ST7: variants seen among roughly 807,000 people sequenced by gnomAD.
The protein encoded by ST7 is suppressor of tumorigenicity 7 protein.
Under a neutral mutation model 78.7 loss-of-function variants are expected in ST7, and 28 were observed. That is an observed-to-expected ratio of 0.36 (90% CI 0.26 to 0.49). The LOEUF (loss-of-function observed/expected upper bound fraction) is 0.49, where lower values mean the gene tolerates loss of function less well. Ranked by LOEUF, ST7 falls within the 20% of genes least tolerant of loss-of-function variation. The probability of loss-of-function intolerance (pLI) is 0.99; values close to 1 mark genes in which losing one functional copy is unlikely to be tolerated. For synonymous variants in ST7, 247 were observed against 249.6 expected (o/e 0.99, Z 0.10); for missense variants, 418 against 696.0 (o/e 0.60, Z 4.49).
At chr7:116,997,864 C>G (rs982841786) in intron 1 of ST7, among the ~76,000 whole-genome samples, 5 of 152,216 alleles carry the variant, frequency 3.3e-5, no homozygotes, top group African/African-American at 1.2e-4. Context: ...ATTGGTGTAT[C>G]TACAATCCCT....
intron 1 of ST7, chr7:116,972,718 C>T (rs1348793576): frequency 1.1e-6 from 1 of 924,256 alleles, no homozygotes; most frequent in Admixed American, 1.7e-5. Flanking sequence ...CTCCTGAGCA[C>T]AGTCCAGCTT....
intron 1 of ST7, among the ~76,000 whole-genome samples, chr7:116,961,293 A>C (rs763671394): frequency 6.6e-6 from 1 of 152,048 alleles, no homozygotes; most frequent in Non-Finnish European, 1.5e-5. Flanking sequence ...TGCTTTGGCT[A>C]TTTGGGCTAT....
chr7:117,041,128 C>T (rs1797197140), intron 1 of ST7, among the ~76,000 whole-genome samples: 1 of 152,124 alleles, frequency 6.6e-6, no homozygotes, highest in African/African-American at 2.4e-5. Context: ...AACAAGAAAG[C>T]CTGAGTGATG....
intron 1 of ST7, among the ~76,000 whole-genome samples, chr7:116,995,959 C>G (rs1341554495): frequency 1.3e-5 from 2 of 152,156 alleles, no homozygotes; most frequent in Admixed American, 1.3e-4. Context: ...TGCTACATGG[C>G]CATCTTGGAT....
intron 13 of ST7, among the ~76,000 whole-genome samples, chr7:117,216,859 C>A (rs1792727997): frequency 1.0e-5 from 1 of 99,598 alleles, no homozygotes; most frequent in African/African-American, 3.8e-5. Flanking sequence ...GGGTGGAGGG[C>A]AATCCGGGAA....
intron 10 of ST7, among the ~76,000 whole-genome samples, chr7:117,174,448 C>T (rs1349187385): frequency 6.6e-6 from 1 of 152,146 alleles, no homozygotes; most frequent in Non-Finnish European, 1.5e-5. Flanking sequence ...TAATTGCTCA[C>T]AGGAAGAGCC....
chr7:116,953,650 T>C lies in ST7; in HGVS notation c.110T>C (p.Ile37Thr). 6.7e-7 allele frequency: 1 copy of C among 1,501,670 alleles called. No homozygotes were observed. Among genetic ancestry groups the C allele is most frequent in the Non-Finnish European group, 9.0e-7 (1 of 1,112,376 alleles). The allele number at this position is 1,501,670 out of a possible 1,614,324, so 93.0% of individuals were successfully genotyped here. A position where few individuals can be genotyped will look rare whatever the true frequency, so the allele number is the denominator to read the frequency against. The change falls in exon 1 of 16, where the codon ATC becomes ACC. Residue 37 changes from isoleucine (I) to threonine (T), a missense_variant. Coordinates refer to ENST00000323984, the MANE Select transcript of ST7 (RefSeq NM_001369598.1). ...TTCATCGTGCTATTCCTGGTCTACA[T>C]CCTGCGGGTGCCTTTGAAAATCAAC... ...WFFIVLFLVYILRVPLKINDN... is the reference protein window; with the variant it reads ...WFFIVLFLVYTLRVPLKINDN...
chr7:117,020,536 C>A, intron 1 of ST7: 3 of 1,536,384 alleles, frequency 2.0e-6, no homozygotes, highest in Non-Finnish European at 2.6e-6. Context: ...TGTACACTCT[C>A]CTCGCTTTTC....
intron 1 of ST7, chr7:117,022,983 C>T (rs1343677431): frequency 6.6e-6 from 1 of 152,180 alleles, no homozygotes; most frequent in Admixed American, 6.5e-5. Context: ...AATATTATTT[C>T]CCCTCTTCAT....
At chr7:117,064,067 C>A (rs932437906) in intron 1 of ST7, among the ~76,000 whole-genome samples, 8 of 151,936 alleles carry the variant, frequency 5.3e-5, no homozygotes, top group Non-Finnish European at 1.0e-4. Flanking sequence ...TATTTAAAGG[C>A]ATTTTCTATT....
At chr7:117,022,227 G>T (rs997303997) in intron 1 of ST7, among the ~76,000 whole-genome samples, 1 of 152,174 alleles carries the variant, frequency 6.6e-6, no homozygotes, top group Non-Finnish European at 1.5e-5. Context: ...TTACTGAAGA[G>T]AATAGAATAT....
intron 12 of ST7, among the ~76,000 whole-genome samples, chr7:117,200,200 T>C (rs1036220638): frequency 6.6e-6 from 1 of 152,170 alleles, no homozygotes; most frequent in Non-Finnish European, 1.5e-5. Context: ...CAGTCTTACA[T>C]GAAACCTTAA....
chr7:117,106,736 T>G (rs1353569292), intron 2 of ST7, among the ~76,000 whole-genome samples: 1 of 151,080 alleles, frequency 6.6e-6, no homozygotes, highest in Non-Finnish European at 1.5e-5. Flanking sequence ...TTCTCCTGCC[T>G]TAGCCTCCTG....
chr7:117,162,193 G>A (rs1296409984), intron 9 of ST7, among the ~76,000 whole-genome samples: 1 of 152,004 alleles, frequency 6.6e-6, no homozygotes, highest in Non-Finnish European at 1.5e-5. Flanking sequence ...AAAAATTACT[G>A]ATTATCTTTT....
At chr7:117,075,319 G>A (rs1396866653) in intron 1 of ST7, among the ~76,000 whole-genome samples, 3 of 152,058 alleles carry the variant, frequency 2.0e-5, no homozygotes, top group Non-Finnish European at 4.4e-5. Context: ...AATTAACATA[G>A]TGACAATTTT....
At chr7:116,979,729 G>A (rs572694780) in intron 1 of ST7, among the ~76,000 whole-genome samples, 1 of 152,038 alleles carries the variant, frequency 6.6e-6, no homozygotes, top group East Asian at 1.9e-4. Flanking sequence ...CCTATATGCT[G>A]GGATATTGCT....
At chr7:117,087,511 A>G (rs918515723) in intron 1 of ST7, among the ~76,000 whole-genome samples, 5 of 152,206 alleles carry the variant, frequency 3.3e-5, no homozygotes, top group African/African-American at 1.2e-4. Flanking sequence ...GTAAGAATGA[A>G]CCAGTATTAT....
intron 2 of ST7, among the ~76,000 whole-genome samples, chr7:117,102,620 C>G (rs1209304038): frequency 6.6e-6 from 1 of 151,998 alleles, no homozygotes; most frequent in East Asian, 1.9e-4. Flanking sequence ...AGGCAATATA[C>G]TTATTATTTA....
intron 2 of ST7, among the ~76,000 whole-genome samples, chr7:117,114,418 CTG>C (rs558869461): frequency 2.1e-4 from 32 of 150,700 alleles, no homozygotes; most frequent in Non-Finnish European, 3.0e-4. Context: ...AAAAAAAAAA[CTG>C]TTTACCACCA....
Sources: allele counts gnomAD v4.1 joint callset (sites outside exome capture counted in the v4.1 genomes callset), GRCh38; gene constraint gnomAD v4.1.1; transcripts MANE v1.5; gene names NCBI Gene and HGNC (gene_info 2026-07-23, HGNC 2026-07-21).